Variants in CPLANE1 observed in about 807,000 individuals in gnomAD.
The protein encoded by CPLANE1 is ciliogenesis and planar polarity effector complex subunit 1.
CPLANE1 carries 263 observed loss-of-function variants against 362.5 expected under a neutral mutation model. The ratio of observed to expected loss-of-function variants is 0.73; its 90% confidence interval spans 0.66 to 0.80. CPLANE1 has a LOEUF of 0.80. Ranked by LOEUF, CPLANE1 falls within the 30% of genes least tolerant of loss-of-function variation. CPLANE1 has a pLI of 0.00. For missense variants in CPLANE1, 3,461 were observed against 3,793.4 expected, an observed-to-expected ratio of 0.91 and a Z score of 2.30; for synonymous variants, 1,212 against 1,302.6, an observed-to-expected ratio of 0.93 and a Z score of 1.50.
chr5:37,181,958 G>A (rs765645634), intron 26 of CPLANE1, among the ~76,000 whole-genome samples: 30 of 152,058 alleles, frequency 2.0e-4, no homozygotes, highest in Non-Finnish European at 3.2e-4. Context: ...CAGGCGTGGT[G>A]GCGCGTGCCT....
Position 37,147,971 on chromosome 5 carries a change from C to CAAAAAAAA in CPLANE1, c.8461+202_8461+209dup, listed in dbSNP as rs11284644. Among the ~76,000 whole-genome samples the CAAAAAAAA allele has an allele frequency of 4.3e-3, 66 of 15,314 alleles. 6 individuals carry two copies. The highest frequency in any genetic ancestry group is 8.7e-3 in the African/African-American group (65 of 7,502). The allele number at this position is 15,314 out of a possible 152,430, so 10.0% of individuals were successfully genotyped here. On this transcript the variant is annotated intron_variant, in intron 43 of 52. Transcript: ENST00000651892. ...AATCCAGAGGAGGTTACTGCCTTCT[C>CAAAAAAAA]AAAAAAAAAAAAAAAAAAAAAAAAA...
chr5:37,109,618 A>C lies in CPLANE1; in HGVS notation c.9401-1147T>G, dbSNP rs1356919550. Among the ~76,000 whole-genome samples the C allele has an allele frequency of 2.6e-5, 4 of 152,220 alleles. No individual in the cohort carries two copies. The East Asian group carries it at 7.7e-4, about 29-fold the overall frequency. ...ACCACACTGTTAATTTTTACCCCTA[A>C]ACTGCCCTATCCCAGGAAATGCTCA... On this transcript the variant is annotated intron_variant, in intron 51 of 52. Coordinates refer to ENST00000651892, the MANE Select transcript of CPLANE1 (RefSeq NM_001384732.1).
intron 20 of CPLANE1, among the ~76,000 whole-genome samples, chr5:37,196,850 G>A (rs914970944): frequency 1.2e-4 from 19 of 152,094 alleles, no homozygotes; most frequent in South Asian, 4.2e-4. Flanking sequence ...ACTTAAACCC[G>A]GGAGCCGGAG....
chr5:37,107,451 C>A lies in CPLANE1; in HGVS notation c.*151G>T. ...TTACTGAGAAATGTTTATTTTTCCT[C>A]TGGTAATGGCTAATCCAGGTAATAA... On this transcript the variant is annotated 3_prime_UTR_variant, in exon 53 of 53. Coordinates refer to ENST00000651892, the MANE Select transcript of CPLANE1 (RefSeq NM_001384732.1). The A allele has an allele frequency of 7.8e-7, 1 of 1,283,586 alleles. No individual in the cohort carries two copies. The highest frequency in any genetic ancestry group is 1.5e-5 in the African/African-American group (1 of 65,370). 79.5% of individuals were successfully genotyped at this position (1,283,586 alleles called of 1,614,324 possible).
intron 27 of CPLANE1, 77 bp from the exon 28 acceptor site, chr5:37,180,260 G>GTTTT: frequency 1.5e-6 from 1 of 667,274 alleles, no homozygotes; most frequent in Non-Finnish European, 2.1e-6. Flanking sequence ...TTTTTTTTTT[G>GTTTT]TTTTTTTTTT....
At chr5:37,116,633 T>G (rs73750931) in intron 50 of CPLANE1, among the ~76,000 whole-genome samples, 4,302 of 151,718 alleles carry the variant, frequency 0.028, 217 homozygotes, top group African/African-American at 0.098. Flanking sequence ...AAAAAAAAAT[T>G]TCCTAACAGT....
At chr5:37,163,257 G>C (rs754026818) in intron 37 of CPLANE1, among the ~76,000 whole-genome samples, 18 of 152,280 alleles carry the variant, frequency 1.2e-4, no homozygotes, top group African/African-American at 4.3e-4. Context: ...GAATTACAAA[G>C]GAAGCAAAAT....
intron 12 of CPLANE1, among the ~76,000 whole-genome samples, chr5:37,225,870 A>AC (rs1240737288): frequency 6.6e-6 from 1 of 151,478 alleles, no homozygotes; most frequent in Non-Finnish European, 1.5e-5. Context: ...AAAAAAAAAA[A>AC]AAAAAGAGGT....
At position 37,191,304 on chromosome 5, in the gene CPLANE1, G is replaced by A. The variant is rs538717071; in HGVS notation, c.3812-3462C>T. Among the ~76,000 whole-genome samples, 22 of 152,164 alleles carry A rather than the reference G, an allele frequency of 1.4e-4. No individual in the cohort carries two copies. In the South Asian group the frequency reaches 3.7e-3, roughly 26 times the overall value. ...TCGTAGCACTTCGGCAGGCTGAGGC[G>A]GGAGGATCGATTGAGCCCAGGAGTT... On this transcript the variant is annotated intron_variant, in intron 21 of 52. Coordinates refer to ENST00000651892, the MANE Select transcript of CPLANE1 (RefSeq NM_001384732.1).
At chr5:37,223,037 C>T (rs1272682264) in intron 14 of CPLANE1, among the ~76,000 whole-genome samples, 2 of 152,168 alleles carry the variant, frequency 1.3e-5, no homozygotes, top group African/African-American at 2.4e-5. Context: ...AATTCCTTAC[C>T]ACTCCATTAA....
chr5:37,234,368 CAAG>C (rs1798437517), intron 8 of CPLANE1, among the ~76,000 whole-genome samples: 1 of 138,666 alleles, frequency 7.2e-6, no homozygotes. Flanking sequence ...AGAAATTTAC[CAAG>C]GAGAAAGATT....
chr5:37,151,156 C>T (rs546602435), intron 42 of CPLANE1, among the ~76,000 whole-genome samples: 1 of 152,278 alleles, frequency 6.6e-6, no homozygotes, highest in African/African-American at 2.4e-5. Flanking sequence ...TCTTAAAGTC[C>T]AATCCCACTA....
At chr5:37,088,878 T>G in the CPLANE1 span, among the ~76,000 whole-genome samples, 2 of 152,144 alleles carry the variant, frequency 1.3e-5, no homozygotes, top group African/African-American at 4.8e-5. Flanking sequence ...ATTAATGTGC[T>G]CACCGTGGTA....
chr5:37,206,423 G>C lies in CPLANE1; in HGVS notation c.2923C>G (p.Gln975Glu), dbSNP rs863225166. ...TGCAGAGGAATAAGTCGAAAGGACT[G>C]CTCTGTGAGTAAATTTTTAAAAATG... ...VLPPLHIKTE[Q>E]SFRLIPLQHS... Residue 975 changes from glutamine to glutamate, a missense_variant and splice_region_variant, in exon 17 of 53, where the codon CAG becomes GAG. Gln to Glu is a conservative substitution (Grantham distance 29, BLOSUM62 2). This residue lies in a region of CPLANE1 where 3,380 missense variants were observed against 3,666.1 expected (regional missense o/e 0.92). Transcript: ENST00000651892. 2 of 1,541,464 alleles carry C rather than the reference G, an allele frequency of 1.3e-6. No homozygotes were observed. Among genetic ancestry groups the C allele is most frequent in the African/African-American group, 2.7e-5 (2 of 72,770 alleles).
intron 43 of CPLANE1, among the ~76,000 whole-genome samples, chr5:37,143,204 C>T (rs1770342290): frequency 6.6e-6 from 1 of 152,178 alleles, no homozygotes; most frequent in South Asian, 2.1e-4. Context: ...TGCAAAACTA[C>T]TCCAAAGACA....
Position 37,121,605 on chromosome 5 carries a change from AC to A in CPLANE1, c.9185+11del. On this transcript the variant is annotated intron_variant, in intron 49 of 52. Transcript: ENST00000651892. ...GTTATCTTGCCAAATGGCATGTGAAACCTTGTCTTACCCTCTTGGAGAAGGG... is the reference window on the plus strand; with the variant it reads ...GTTATCTTGCCAAATGGCATGTGAAACTTGTCTTACCCTCTTGGAGAAGGG... 1 of 1,613,576 alleles carries A rather than the reference AC, an allele frequency of 6.2e-7. No homozygotes were observed. Among genetic ancestry groups the A allele is most frequent in the Non-Finnish European group, 8.5e-7 (1 of 1,179,598 alleles).
intron 38 of CPLANE1, 31 bp downstream of exon 38, chr5:37,162,434 G>A (rs368730549): frequency 2.6e-5 from 35 of 1,357,792 alleles, no homozygotes; most frequent in Non-Finnish European, 3.2e-5. Flanking sequence ...CAAAATATAT[G>A]AATTTTTTTA....
Position 37,158,287 on chromosome 5 carries a change from C to T in CPLANE1, c.7749G>A (p.Lys2583=), listed in dbSNP as rs752972351. The part of the protein sequence containing the change: ...LLVPDVYLNL[K]LSSEMSEKPW... ...GTTTCTCTGACATTTCACTGGAAAGCTTCAGATTTAGATAGACATCTGGGA... is the reference window on the plus strand; with the variant it reads ...GTTTCTCTGACATTTCACTGGAAAGTTTCAGATTTAGATAGACATCTGGGA... The change falls in exon 39 of 53, where the codon AAG becomes AAA. Residue 2583 remains lysine (K), a synonymous_variant. Transcript: ENST00000651892. 1.9e-6 allele frequency: 3 copies of T among 1,613,852 alleles called. No homozygotes were observed. The South Asian group carries it at 3.3e-5, about 18-fold the overall frequency.
the CPLANE1 span, among the ~76,000 whole-genome samples, chr5:37,084,003 G>A: frequency 6.6e-6 from 1 of 152,160 alleles, no homozygotes; most frequent in Middle Eastern, 3.2e-3. Context: ...TTAAGATGAA[G>A]GAAAGAATCT....
Sources: gnomAD v4.1 joint callset for allele counts (sites outside exome capture counted in the v4.1 genomes callset) on GRCh38, gnomAD v4.1.1 for gene constraint, gnomAD v4.1.1 regional missense constraint, MANE v1.5 for transcripts, NCBI Gene and HGNC (gene_info 2026-07-23, HGNC 2026-07-21) for gene names.